Variants in CASK observed in about 807,000 individuals in gnomAD.
CASK encodes peripheral plasma membrane protein CASK.
CASK carries 4 observed loss-of-function variants against 82.9 expected under a neutral mutation model. That is an observed-to-expected ratio of 0.05 (90% CI 0.02 to 0.11). The LOEUF (loss-of-function observed/expected upper bound fraction) is 0.11. CASK is among the 10% of genes least tolerant of loss of function. The pLI is 1.00. For missense variants in CASK, 358 were observed against 720.9 expected (o/e 0.50, Z 5.76); for synonymous variants, 259 against 253.5 (o/e 1.02, Z -0.20).
intron 1 of CASK, among the ~76,000 whole-genome samples, chrX:41,893,749 C>T (rs1476652079): frequency 1.8e-5 from 2 of 112,081 alleles, no homozygotes; most frequent in East Asian, 5.6e-4. Context: ...AAGGGGAAAA[C>T]CCTAGGAAGC....
chrX:41,693,663 A>T (rs1049735419), intron 5 of CASK, among the ~76,000 whole-genome samples: 6 of 111,851 alleles, frequency 5.4e-5, no homozygotes, highest in Non-Finnish European at 1.1e-4. Flanking sequence ...ATCTTAGATC[A>T]CAAGAAACAT....
chrX:41,632,640 C>A (rs2147353990), intron 9 of CASK, among the ~76,000 whole-genome samples: 1 of 111,826 alleles, frequency 8.9e-6, no homozygotes, highest in African/African-American at 3.2e-5. Context: ...CTGGATAGTA[C>A]AGCTTTATAC....
At chrX:41,864,325 G>A (rs1260305354) in intron 1 of CASK, among the ~76,000 whole-genome samples, 1 of 110,922 alleles carries the variant, frequency 9.0e-6, no homozygotes, top group Non-Finnish European at 1.9e-5. Context: ...TCCCAAATTG[G>A]CATCTTGTGG....
intron 9 of CASK, among the ~76,000 whole-genome samples, chrX:41,634,977 A>C (rs1032927499): frequency 7.2e-5 from 8 of 111,825 alleles, no homozygotes; most frequent in Non-Finnish European, 1.5e-4. Flanking sequence ...AGTGAGAAGA[A>C]AGGCTAAAAT....
At chrX:41,765,959 T>TG (rs2069105673) in intron 3 of CASK, among the ~76,000 whole-genome samples, 2 of 112,198 alleles carry the variant, frequency 1.8e-5, no homozygotes, top group Non-Finnish European at 3.8e-5. Flanking sequence ...ATTGTATCAA[T>TG]GTCAATATCC....
intron 2 of CASK, among the ~76,000 whole-genome samples, chrX:41,799,220 G>T (rs183785779): frequency 1.8e-5 from 2 of 111,980 alleles, no homozygotes; most frequent in East Asian, 5.6e-4. Context: ...TGTAAAACTA[G>T]TTTTCTATTA....
chrX:41,915,727 C>T (rs1476280588), intron 1 of CASK, among the ~76,000 whole-genome samples: 1 of 110,235 alleles, frequency 9.1e-6, no homozygotes, highest in African/African-American at 3.3e-5. Flanking sequence ...CGGTGGCTCA[C>T]GCCTGTAATC....
intron 2 of CASK, among the ~76,000 whole-genome samples, chrX:41,842,483 G>A (rs1040435370): frequency 3.7e-5 from 4 of 107,960 alleles, no homozygotes; most frequent in Non-Finnish European, 7.6e-5. Flanking sequence ...TGAGGCACAA[G>A]AATCACTTGA....
At chrX:41,718,841 AAG>A (rs2068110753) in intron 5 of CASK, among the ~76,000 whole-genome samples, 1 of 111,537 alleles carries the variant, frequency 9.0e-6, no homozygotes, top group African/African-American at 3.3e-5. Flanking sequence ...TCCTTCTGAA[AAG>A]AGTCATAGGG....
chrX:41,918,430 G>C (rs1360647132), intron 1 of CASK, among the ~76,000 whole-genome samples: 1 of 112,324 alleles, frequency 8.9e-6, no homozygotes, highest in Non-Finnish European at 1.9e-5. Flanking sequence ...TCTTTTAATA[G>C]AGTGTATGTA....
In CASK at chrX:41,519,806, AC is replaced by A. The variant is rs1191658982; in HGVS notation, c.*613del. The A allele has an allele frequency of 9.2e-6, 1 of 109,102 alleles. No individual in the cohort carries two copies. The allele number at this position is 109,102 out of a possible 1,213,427, so 9.0% of individuals were successfully genotyped here. A position where few individuals can be genotyped will look rare whatever the true frequency, so the allele number is the denominator to read the frequency against. On this transcript the variant is annotated 3_prime_UTR_variant, in exon 27 of 27. Transcript: ENST00000378163. The stretch of plus-strand genomic sequence containing the variant: ...CCAACTTCAAATCTCTAAAAGGTTT[AC>A]AGGGTGCTTCAAAGAGACAGTATCA...
At chrX:41,607,443 A>G (rs184969333) in intron 12 of CASK, among the ~76,000 whole-genome samples, 2 of 112,688 alleles carry the variant, frequency 1.8e-5, no homozygotes, top group East Asian at 2.8e-4. Flanking sequence ...ACTGACCACA[A>G]TAAAATAAAC....
chrX:41,787,340 G>T, intron 2 of CASK, 57 bp from the exon 3 acceptor site: 1 of 657,962 alleles, frequency 1.5e-6, no homozygotes, highest in Non-Finnish European at 2.5e-6. Context: ...CAATTAGAGT[G>T]AATGATGAAT....
At chrX:41,661,126 G>T (rs1482015791) in intron 7 of CASK, among the ~76,000 whole-genome samples, 2 of 111,547 alleles carry the variant, frequency 1.8e-5, no homozygotes, top group Non-Finnish European at 3.8e-5. Flanking sequence ...TTAGAGATGA[G>T]ACAACTAAGC....
chrX:41,810,846 T>C lies in CASK; in HGVS notation c.173-23563A>G, dbSNP rs1260440649. Among the ~76,000 whole-genome samples, 3 of 111,619 alleles carry C rather than the reference T, an allele frequency of 2.7e-5. No homozygotes were observed. The East Asian group carries it at 8.4e-4, about 31-fold the overall frequency. On this transcript the variant is annotated intron_variant, in intron 2 of 26. Transcript: ENST00000378163. Reference sequence around the variant, plus strand: ...CTGTATTCAGGAGACACATCTCACGTGCAGAGACACACATAGGCTCAAAAT... The same window carrying C: ...CTGTATTCAGGAGACACATCTCACGCGCAGAGACACACATAGGCTCAAAAT...
chrX:41,774,132 G>A (rs906538568), intron 3 of CASK, among the ~76,000 whole-genome samples: 1 of 111,280 alleles, frequency 9.0e-6, no homozygotes, highest in Non-Finnish European at 1.9e-5. Flanking sequence ...ATTCAATTAG[G>A]AAAAGAAGAA....
intron 12 of CASK, 99 bp from the exon 13 acceptor site, chrX:41,589,691 A>G: frequency 1.7e-6 from 1 of 598,271 alleles, no homozygotes; most frequent in Non-Finnish European, 2.8e-6. Flanking sequence ...TTTTCTTTTA[A>G]AAAGGCAGGC....
chrX:41,535,668 T>C (rs1411101920), intron 22 of CASK, among the ~76,000 whole-genome samples: 1 of 111,921 alleles, frequency 8.9e-6, no homozygotes, highest in Non-Finnish European at 1.9e-5. Context: ...GCCCATTACA[T>C]GGGCAGCCTG....
At chrX:41,731,050 G>A (rs565480285) in intron 5 of CASK, among the ~76,000 whole-genome samples, 1 of 112,061 alleles carries the variant, frequency 8.9e-6, no homozygotes, top group South Asian at 3.7e-4. Flanking sequence ...AAACTCATCC[G>A]ACTAAGACAG....
Sources: gnomAD v4.1 joint callset for allele counts (sites outside exome capture counted in the v4.1 genomes callset) on GRCh38, gnomAD v4.1.1 for gene constraint, MANE v1.5 for transcripts, NCBI Gene and HGNC (gene_info 2026-07-23, HGNC 2026-07-21) for gene names.